CEP89: variants seen among roughly 807,000 people sequenced by gnomAD.
CEP89 encodes the protein centrosomal protein of 89 kDa.
In CEP89, 95 loss-of-function variants were observed where a neutral mutation model predicts 97.6. The ratio of observed to expected loss-of-function variants is 0.97; its 90% CI spans 0.82 to 1.15. The LOEUF (loss-of-function observed/expected upper bound fraction) is 1.15. CEP89 is among the 50% of genes most tolerant of loss of function. The probability of loss-of-function intolerance (pLI) is 0.00; values close to 1 mark genes in which losing one functional copy is unlikely to be tolerated. For missense variants in CEP89, 869 were observed against 947.7 expected (o/e 0.92, Z 1.09); for synonymous variants, 354 against 349.1 (o/e 1.01, Z -0.16).
intron 5 of CEP89, among the ~76,000 whole-genome samples, chr19:32,945,404 A>AG (rs1185746858): frequency 6.6e-6 from 1 of 151,870 alleles, no homozygotes; most frequent in African/African-American, 2.4e-5. Context: ...ACCACAAACC[A>AG]GGCATCACTG....
At chr19:32,918,538 A>G (rs1244501928) in intron 12 of CEP89, among the ~76,000 whole-genome samples, 199 bp from the exon 13 acceptor site, 1 of 152,186 alleles carries the variant, frequency 6.6e-6, no homozygotes, top group Non-Finnish European at 1.5e-5. Context: ...AGTCTGAATT[A>G]CGGACTGCTT....
At chr19:32,960,248 T>A (rs1006970565) in intron 2 of CEP89, among the ~76,000 whole-genome samples, 190 bp from the exon 3 acceptor site, 1 of 152,184 alleles carries the variant, frequency 6.6e-6, no homozygotes, top group East Asian at 1.9e-4. Flanking sequence ...TATGACTACA[T>A]ATTATTGTCA....
chr19:32,914,896 C>A (rs890729015), intron 14 of CEP89, among the ~76,000 whole-genome samples: 4 of 151,848 alleles, frequency 2.6e-5, no homozygotes, highest in African/African-American at 9.7e-5. Context: ...GTGAGCCGCC[C>A]CTGTAATCCC....
At chr19:32,953,107 G>T (rs181033071) in intron 4 of CEP89, among the ~76,000 whole-genome samples, 1 of 151,548 alleles carries the variant, frequency 6.6e-6, no homozygotes, top group Non-Finnish European at 1.5e-5. Flanking sequence ...CTCTCTGTGT[G>T]CAGTGCCCTG....
At chr19:32,933,134 T>A (rs994659605) in intron 8 of CEP89, among the ~76,000 whole-genome samples, 3 of 152,176 alleles carry the variant, frequency 2.0e-5, no homozygotes, top group Non-Finnish European at 4.4e-5. Context: ...AAGGAGGAGC[T>A]TTTTTATGCT....
chr19:32,927,401 C>CAT (rs148686101), intron 9 of CEP89, among the ~76,000 whole-genome samples: 4,131 of 149,876 alleles, frequency 0.028, 86 homozygotes, highest in African/African-American at 0.059. Flanking sequence ...ATACTATTTT[C>CAT]ATATATATAT....
intron 14 of CEP89, among the ~76,000 whole-genome samples, chr19:32,903,040 G>GCCCT (rs1325200190): frequency 6.6e-6 from 1 of 152,052 alleles, no homozygotes; most frequent in African/African-American, 2.4e-5. Context: ...ACAAAAATCA[G>GCCCT]CTTTGAAAGA....
chr19:32,900,323 G>T (rs1210606509), intron 15 of CEP89, among the ~76,000 whole-genome samples: 1 of 146,772 alleles, frequency 6.8e-6, no homozygotes. Context: ...ATGGCTCACT[G>T]TAACCTCCGC....
intron 11 of CEP89, 122 bp from the exon 12 acceptor site, chr19:32,923,664 A>G (rs961298594): frequency 1.5e-6 from 1 of 675,746 alleles, no homozygotes; most frequent in Non-Finnish European, 2.6e-6. Flanking sequence ...GTCTCACAAC[A>G]GGCCAGCCTT....
intron 4 of CEP89, among the ~76,000 whole-genome samples, chr19:32,950,016 C>T (rs1046689849): frequency 8.0e-5 from 12 of 150,378 alleles, no homozygotes; most frequent in South Asian, 2.1e-4. Flanking sequence ...TAAATGGCCC[C>T]GTACTTTTTT....
intron 11 of CEP89, among the ~76,000 whole-genome samples, chr19:32,924,506 C>T (rs1970316299): frequency 6.6e-6 from 1 of 152,174 alleles, no homozygotes; most frequent in Non-Finnish European, 1.5e-5. Flanking sequence ...CTTCCGTGTC[C>T]TGCGCTGTCC....
rs761302824 is a variant in CEP89, at chr19:32,918,373, T to G, written c.1269-34A>C. ...GATTTACAAGATGAAATACTGTGAT[T>G]CAGGTGCTGAATGGTTACAGAAACA... is the stretch of plus-strand genomic sequence containing the variant. On this transcript the variant is annotated intron_variant, in intron 12 of 18. Coordinates refer to ENST00000305768, the MANE Select transcript of CEP89 (RefSeq NM_032816.5). 5 of 1,491,118 alleles carry G rather than the reference T, an allele frequency of 3.4e-6. No homozygotes were observed. In the South Asian group the frequency reaches 5.6e-5, roughly 17 times the overall value. 92.4% of individuals were successfully genotyped at this position (1,491,118 alleles called of 1,614,324 possible). A position where few individuals can be genotyped will look rare whatever the true frequency, so the allele number is the denominator to read the frequency against.
intron 15 of CEP89, among the ~76,000 whole-genome samples, chr19:32,900,780 CTTA>C (rs1373607844): frequency 1.3e-5 from 2 of 152,056 alleles, no homozygotes; most frequent in East Asian, 3.9e-4. Context: ...AGCAACAATA[CTTA>C]TTATAATCTG....
At chr19:32,882,294 A>G (rs11878638) in intron 17 of CEP89, among the ~76,000 whole-genome samples, 12,391 of 152,266 alleles carry the variant, frequency 0.081, 1,578 homozygotes, top group African/African-American at 0.27. Flanking sequence ...TGGAAACAGC[A>G]GTTCATGCTT....
chr19:32,881,677 T>C (rs1457288244), intron 18 of CEP89, among the ~76,000 whole-genome samples, 167 bp downstream of exon 18: 2 of 152,116 alleles, frequency 1.3e-5, no homozygotes, highest in East Asian at 1.9e-4. Flanking sequence ...ATAAAGAAGA[T>C]GAGGAGCAAA....
At position 32,878,975 on chromosome 19, in the gene CEP89, A is replaced by AAT. The variant is rs954745519; in HGVS notation, c.*186_*187insAT. 37 of 465,602 alleles carry AAT rather than the reference A, an allele frequency of 7.9e-5. No individual in the cohort carries two copies. Among genetic ancestry groups the AAT allele is most frequent in the Middle Eastern group, 5.5e-4 (1 of 1,814 alleles). The allele number at this position is 465,602 out of a possible 1,614,324, so 28.8% of individuals were successfully genotyped here. A position where few individuals can be genotyped will look rare whatever the true frequency, so the allele number is the denominator to read the frequency against. Reference sequence around the variant, plus strand: ...AGACCCTAGCTCTAAAAAAAAAAAAAAATTAAAAAATAAAGCAAAATGTTA... The same window carrying AAT: ...AGACCCTAGCTCTAAAAAAAAAAAAAATAATTAAAAAATAAAGCAAAATGTTA... On this transcript the variant is annotated 3_prime_UTR_variant, in exon 19 of 19. Transcript: ENST00000305768.
At position 32,879,187 on chromosome 19, in the gene CEP89, A is replaced by C; in HGVS notation, c.2327T>G (p.Leu776Arg). 1 of 1,612,180 alleles carries C rather than the reference A, an allele frequency of 6.2e-7. No individual in the cohort carries two copies. Among genetic ancestry groups the C allele is most frequent in the Non-Finnish European group, 8.5e-7 (1 of 1,178,822 alleles). The change falls in exon 19 of 19, where the codon CTG (leucine) becomes CGG (arginine). Residue 776 changes from leucine to arginine, a missense_variant. Coordinates refer to ENST00000305768, the MANE Select transcript of CEP89 (RefSeq NM_032816.5). ...CTAGCAGGTGGGGGCATGAGACTTC[A>C]GGTCATAGGAGCAGACATCGCAGCC... Reference protein sequence around the residue: ...LDGCDVCSYDLKSHAPTC With the variant: ...LDGCDVCSYDRKSHAPTC
chr19:32,952,935 AGAAAAGAAAT>A (rs1301873497), intron 4 of CEP89, among the ~76,000 whole-genome samples: 2 of 151,462 alleles, frequency 1.3e-5, no homozygotes. Flanking sequence ...GAAAAGAAAA[AGAAAAGAAAT>A]GAAAAGAAAG....
intron 9 of CEP89, among the ~76,000 whole-genome samples, chr19:32,930,856 G>T (rs556139514): frequency 1.3e-5 from 2 of 151,816 alleles, no homozygotes; most frequent in African/African-American, 4.8e-5. Flanking sequence ...GGGAGCAGCC[G>T]ACATACACTT....
Sources: gnomAD v4.1 joint callset for allele counts (sites outside exome capture counted in the v4.1 genomes callset) on GRCh38, gnomAD v4.1.1 for gene constraint, MANE v1.5 for transcripts, NCBI Gene and HGNC (gene_info 2026-07-23, HGNC 2026-07-21) for gene names.